Variants in TMEM232 observed in about 807,000 individuals in gnomAD.
TMEM232 encodes transmembrane protein 232.
A neutral mutation model predicts 78.8 loss-of-function variants in TMEM232; 80 were observed. That is an observed-to-expected ratio of 1.01 (90% confidence interval 0.85 to 1.22). The LOEUF (loss-of-function observed/expected upper bound fraction) is 1.22. TMEM232 is among the 50% of genes most tolerant of loss of function. The pLI is 0.00. For synonymous variants in TMEM232, 297 were observed against 254.3 expected (o/e 1.17, Z -1.60); for missense variants, 881 against 742.2 (o/e 1.19, Z -2.17).
At chr5:110,405,387 A>G (rs1755749266) in intron 2 of TMEM232, among the ~76,000 whole-genome samples, 2 of 152,090 alleles carry the variant, frequency 1.3e-5, no homozygotes, top group South Asian at 4.1e-4. Flanking sequence ...AAAAGATTAG[A>G]AGATATGTGA....
intron 11 of TMEM232, among the ~76,000 whole-genome samples, chr5:110,534,201 C>T (rs1771973698): frequency 1.3e-5 from 2 of 152,172 alleles, no homozygotes; most frequent in Admixed American, 1.3e-4. Flanking sequence ...GACATAATTC[C>T]TCAGTTTGGC....
intron 12 of TMEM232, among the ~76,000 whole-genome samples, chr5:110,519,729 T>C (rs1304427518): frequency 1.3e-5 from 2 of 151,830 alleles, no homozygotes; most frequent in African/African-American, 2.4e-5. Context: ...CAAATGTCCA[T>C]CAATAGATGA....
intron 12 of TMEM232, among the ~76,000 whole-genome samples, chr5:110,506,346 A>G (rs1766900344): frequency 6.6e-6 from 1 of 152,114 alleles, no homozygotes; most frequent in African/African-American, 2.4e-5. Flanking sequence ...TTTAAAATCT[A>G]CTTGAGTTCA....
At chr5:110,623,293 T>C (rs1784012791) in intron 7 of TMEM232, among the ~76,000 whole-genome samples, 1 of 152,128 alleles carries the variant, frequency 6.6e-6, no homozygotes, top group South Asian at 2.1e-4. Flanking sequence ...GCAATTTTGG[T>C]AGCACTTTGA....
intron 10 of TMEM232, among the ~76,000 whole-genome samples, chr5:110,597,843 C>G (rs756595266): frequency 6.6e-6 from 1 of 152,156 alleles, no homozygotes; most frequent in African/African-American, 2.4e-5. Flanking sequence ...CCCTTCCCTA[C>G]ACCTTATACA....
intron 1 of TMEM232, among the ~76,000 whole-genome samples, chr5:110,713,914 C>A (rs1796754969): frequency 6.6e-6 from 1 of 152,160 alleles, no homozygotes; most frequent in Non-Finnish European, 1.5e-5. Flanking sequence ...AATCACCAGC[C>A]TCTCTTAGTT....
intron 11 of TMEM232, among the ~76,000 whole-genome samples, chr5:110,560,149 T>C (rs1016449949): frequency 2.0e-5 from 3 of 152,186 alleles, no homozygotes; most frequent in Non-Finnish European, 2.9e-5. Context: ...ATAACAGTTG[T>C]GAAGCAACTA....
intron 1 of TMEM232, among the ~76,000 whole-genome samples, chr5:110,680,529 G>C (rs930693247): frequency 1.4e-4 from 21 of 151,228 alleles, no homozygotes; most frequent in African/African-American, 4.4e-4. Context: ...TCTTTTTCTT[G>C]GTCTTCTTTT....
At chr5:110,496,261 G>T (rs955603593) in intron 12 of TMEM232, among the ~76,000 whole-genome samples, 3 of 151,902 alleles carry the variant, frequency 2.0e-5, no homozygotes, top group Non-Finnish European at 4.4e-5. Context: ...AACTTAAAAT[G>T]ATCGTTAATG....
intron 12 of TMEM232, among the ~76,000 whole-genome samples, chr5:110,484,680 C>G (rs1313683644): frequency 6.6e-6 from 1 of 151,574 alleles, no homozygotes; most frequent in Non-Finnish European, 1.5e-5. Context: ...ATAAAACAGA[C>G]TATAAGACAA....
chr5:110,678,474 T>A (rs967005833), intron 1 of TMEM232, among the ~76,000 whole-genome samples: 3 of 152,132 alleles, frequency 2.0e-5, no homozygotes, highest in Admixed American at 1.3e-4. Context: ...ATTATCAACA[T>A]CTGGACCAGA....
At chr5:110,419,173 T>G (rs945482947), downstream of TMEM232, among the ~76,000 whole-genome samples, 4 of 152,018 alleles carry the variant, frequency 2.6e-5, no homozygotes, top group African/African-American at 7.2e-5. Context: ...ATAGATTTTT[T>G]TTTTTCCTTT....
chr5:110,733,670 T>C (rs570868583), intron 2 of TMEM232, among the ~76,000 whole-genome samples: 30 of 151,716 alleles, frequency 2.0e-4, no homozygotes, highest in Admixed American at 1.5e-3. Flanking sequence ...CAACAGACAC[T>C]GGGGCCTACT....
intron 1 of TMEM232, among the ~76,000 whole-genome samples, chr5:110,722,669 C>T (rs910295715): frequency 6.6e-6 from 1 of 152,132 alleles, no homozygotes; most frequent in African/African-American, 2.4e-5. Flanking sequence ...TACTTTACTG[C>T]CACCACATTT....
chr5:110,612,683 T>C (rs1782458457), intron 8 of TMEM232, among the ~76,000 whole-genome samples: 1 of 152,194 alleles, frequency 6.6e-6, no homozygotes. Context: ...TTTTAAATTG[T>C]CAAGCTTTTT....
At chr5:110,597,115 C>G (rs1452838827) in intron 10 of TMEM232, among the ~76,000 whole-genome samples, 1 of 152,002 alleles carries the variant, frequency 6.6e-6, no homozygotes, top group African/African-American at 2.4e-5. Context: ...TCTAGAAAAC[C>G]CCATTGTCTC....
intron 12 of TMEM232, among the ~76,000 whole-genome samples, chr5:110,499,628 C>CCCCA: frequency 8.8e-6 from 1 of 113,522 alleles, no homozygotes; most frequent in African/African-American, 7.1e-5. Context: ...TATGTATACA[C>CCCCA]CCCCCCCCAC....
At chr5:110,588,602 G>GA (rs758312006) in intron 10 of TMEM232, among the ~76,000 whole-genome samples, 2 of 152,078 alleles carry the variant, frequency 1.3e-5, no homozygotes, top group African/African-American at 4.8e-5. Flanking sequence ...TAGAACGCGA[G>GA]AAAATGAATC....
At chr5:110,678,107 C>T (rs561326438) in intron 1 of TMEM232, among the ~76,000 whole-genome samples, 1 of 152,244 alleles carries the variant, frequency 6.6e-6, no homozygotes, top group South Asian at 2.1e-4. Context: ...CTCTGTCGCC[C>T]AGGCTAGAGT....
Sources: gnomAD v4.1 joint callset for allele counts (sites outside exome capture counted in the v4.1 genomes callset) on GRCh38, gnomAD v4.1.1 for gene constraint, MANE v1.5 for transcripts, NCBI Gene and HGNC (gene_info 2026-07-23, HGNC 2026-07-21) for gene names.